Variants in UNC13C observed in about 807,000 individuals in gnomAD.
The protein encoded by UNC13C is protein unc-13 homolog C.
A neutral mutation model predicts 245.4 loss-of-function variants in UNC13C; 174 were observed. That is an observed-to-expected ratio of 0.71 (90% confidence interval 0.63 to 0.80). The LOEUF (loss-of-function observed/expected upper bound fraction) is 0.80. Ranked by LOEUF, UNC13C falls within the 30% of genes least tolerant of loss-of-function variation. UNC13C has a pLI of 0.00. For missense variants in UNC13C, 2,829 were observed against 2,602.9 expected, an observed-to-expected ratio of 1.09 and a Z score of -1.89; for synonymous variants, 992 against 895.1, an observed-to-expected ratio of 1.11 and a Z score of -1.93.
In UNC13C at chr15:54,259,635, A is replaced by G. The variant is rs754345920; in HGVS notation, c.3449-4533A>G. On this transcript the variant is annotated intron_variant, in intron 8 of 32. Coordinates refer to ENST00000260323, the MANE Select transcript of UNC13C (RefSeq NM_001080534.3). ...TTCAAGATCAGATTTGGGCGAGGAC[A>G]CAGCTAAACCATATCACTGAAGCAT... 3.0e-4 allele frequency among the ~76,000 whole-genome samples: 45 copies of G among 152,238 alleles called. 1 individual carries two copies. Among genetic ancestry groups the G allele is most frequent in the Admixed American group, 5.9e-4 (9 of 15,290 alleles).
chr15:54,036,614 T>C (rs1896586753), intron 2 of UNC13C, among the ~76,000 whole-genome samples: 1 of 152,206 alleles, frequency 6.6e-6, no homozygotes, highest in South Asian at 2.1e-4. Context: ...AGTAACTTTC[T>C]GCTTTGGCCT....
intron 2 of UNC13C, among the ~76,000 whole-genome samples, chr15:54,080,467 G>T (rs1484438072): frequency 6.6e-6 from 1 of 151,756 alleles, no homozygotes; most frequent in Admixed American, 6.6e-5. Flanking sequence ...TTTTTAGTTG[G>T]TAGATTTTTT....
At chr15:54,300,986 C>T in intron 13 of UNC13C, among the ~76,000 whole-genome samples, 1 of 107,764 alleles carries the variant, frequency 9.3e-6, no homozygotes, top group African/African-American at 4.9e-5. Flanking sequence ...ACAGAATTAA[C>T]TTATTATAAT....
intron 4 of UNC13C, among the ~76,000 whole-genome samples, chr15:54,173,634 T>C (rs1377712695): frequency 6.6e-6 from 1 of 152,000 alleles, no homozygotes; most frequent in Admixed American, 6.5e-5. Flanking sequence ...GGAGTTTCTA[T>C]GTATATGCCC....
At chr15:53,902,906 T>A in the UNC13C span, among the ~76,000 whole-genome samples, 3 of 152,048 alleles carry the variant, frequency 2.0e-5, no homozygotes, top group Admixed American at 1.3e-4. Flanking sequence ...ATAGACCAGA[T>A]GGAGGAAAAA....
chr15:54,325,932 A>G (rs2038288522), intron 14 of UNC13C, among the ~76,000 whole-genome samples: 1 of 151,966 alleles, frequency 6.6e-6, no homozygotes, highest in Non-Finnish European at 1.5e-5. Flanking sequence ...AAATATAAAC[A>G]TGTTTATAGA....
chr15:53,876,135 A>G, the UNC13C span, among the ~76,000 whole-genome samples: 1 of 152,226 alleles, frequency 6.6e-6, no homozygotes, highest in African/African-American at 2.4e-5. Flanking sequence ...TGTGATCTGA[A>G]TTATTCATGA....
the UNC13C span, among the ~76,000 whole-genome samples, chr15:53,867,433 C>T: frequency 6.6e-6 from 1 of 152,194 alleles, no homozygotes; most frequent in Non-Finnish European, 1.5e-5. Flanking sequence ...CACATCCTGC[C>T]TCCCTCTCTC....
At chr15:54,459,799 CT>C (rs551967596) in intron 19 of UNC13C, among the ~76,000 whole-genome samples, 17 of 148,604 alleles carry the variant, frequency 1.1e-4, no homozygotes, top group South Asian at 2.1e-4. Flanking sequence ...CATCCATATT[CT>C]TTTTTTTTTA....
the UNC13C span, among the ~76,000 whole-genome samples, chr15:53,879,717 A>G: frequency 6.6e-6 from 1 of 152,234 alleles, no homozygotes; most frequent in African/African-American, 2.4e-5. Flanking sequence ...CCTCCCAAGT[A>G]GCTGGGATTA....
At chr15:54,424,049 C>A (rs1346625027) in intron 19 of UNC13C, among the ~76,000 whole-genome samples, 2 of 151,550 alleles carry the variant, frequency 1.3e-5, no homozygotes, top group African/African-American at 4.8e-5. Flanking sequence ...TGCCTTGCTA[C>A]CTATAATAAA....
chr15:54,035,427 A>T (rs536176273), intron 2 of UNC13C, among the ~76,000 whole-genome samples: 1 of 152,250 alleles, frequency 6.6e-6, no homozygotes, highest in East Asian at 1.9e-4. Flanking sequence ...TGCTCCAGTG[A>T]TGGTGATGAG....
At chr15:53,925,433 C>G in the UNC13C span, among the ~76,000 whole-genome samples, 3 of 152,096 alleles carry the variant, frequency 2.0e-5, no homozygotes, top group Non-Finnish European at 2.9e-5. Flanking sequence ...GGCTTGTTTT[C>G]TCTGTAGCAG....
At chr15:54,622,483 G>T in intron 31 of UNC13C, 64 bp downstream of exon 31, 1 of 1,206,646 alleles carries the variant, frequency 8.3e-7, no homozygotes, top group Non-Finnish European at 1.2e-6. Flanking sequence ...ACTGATATCA[G>T]CAATGTAACT....
chr15:53,950,668 T>C, the UNC13C span, among the ~76,000 whole-genome samples: 1 of 152,208 alleles, frequency 6.6e-6, no homozygotes, highest in African/African-American at 2.4e-5. Flanking sequence ...GGAATGCTTC[T>C]GTAAGACAGT....
At chr15:53,858,999 A>T in the UNC13C span, among the ~76,000 whole-genome samples, 1 of 152,124 alleles carries the variant, frequency 6.6e-6, no homozygotes, top group Non-Finnish European at 1.5e-5. Flanking sequence ...AATGGTAATT[A>T]ATATTTGAAG....
chr15:54,165,157 T>G (rs982979658), intron 4 of UNC13C, among the ~76,000 whole-genome samples: 9 of 152,114 alleles, frequency 5.9e-5, no homozygotes, highest in African/African-American at 2.2e-4. Context: ...GTTTACAATT[T>G]TTTGAATGCT....
intron 19 of UNC13C, among the ~76,000 whole-genome samples, chr15:54,461,869 T>G (rs998379895): frequency 2.6e-5 from 4 of 152,108 alleles, no homozygotes; most frequent in African/African-American, 9.7e-5. Context: ...TGTTCAATGT[T>G]TGAAGAAAAA....
intron 2 of UNC13C, among the ~76,000 whole-genome samples, chr15:54,078,147 G>A (rs911048555): frequency 6.6e-6 from 1 of 152,134 alleles, no homozygotes; most frequent in Non-Finnish European, 1.5e-5. Flanking sequence ...AATACATGAT[G>A]AATGAAGCTG....
Sources: gnomAD v4.1 joint callset for allele counts (sites outside exome capture counted in the v4.1 genomes callset) on GRCh38, gnomAD v4.1.1 for gene constraint, MANE v1.5 for transcripts, NCBI Gene and HGNC (gene_info 2026-07-23, HGNC 2026-07-21) for gene names.